The following EIF4G3 variants were observed in gnomAD, a reference collection of about 807,000 sequenced individuals.
EIF4G3 encodes the protein eIF-4-gamma 3.
EIF4G3 carries 34 observed loss-of-function variants against 186.4 expected under a neutral mutation model. The ratio of observed to expected loss-of-function variants is 0.18; its 90% CI spans 0.14 to 0.24. The LOEUF is 0.24. EIF4G3 is among the 10% of genes least tolerant of loss of function. The pLI is 1.00. For synonymous variants in EIF4G3, 673 were observed against 679.5 expected (o/e 0.99, Z 0.15); for missense variants, 1,536 against 1,948.5 (o/e 0.79, Z 3.99).
chr1:21,019,315 C>T (rs1008429150), intron 4 of EIF4G3, among the ~76,000 whole-genome samples: 8 of 152,214 alleles, frequency 5.3e-5, no homozygotes, highest in Admixed American at 5.2e-4. Context: ...CATATTTGCA[C>T]GTATATTTGT....
intron 6 of EIF4G3, among the ~76,000 whole-genome samples, chr1:20,998,248 C>T (rs946721617): frequency 2.3e-5 from 3 of 129,480 alleles, no homozygotes; most frequent in Non-Finnish European, 3.4e-5. Context: ...CACACACACA[C>T]AAGTTTAAGT....
At chr1:21,103,582 G>A (rs1213444925) in intron 2 of EIF4G3, among the ~76,000 whole-genome samples, 3 of 152,204 alleles carry the variant, frequency 2.0e-5, no homozygotes, top group Non-Finnish European at 4.4e-5. Context: ...ACTGGCTCAT[G>A]CCTATAATCC....
intron 7 of EIF4G3, among the ~76,000 whole-genome samples, chr1:20,984,218 G>A (rs2078919564): frequency 6.6e-6 from 1 of 151,958 alleles, no homozygotes; most frequent in South Asian, 2.1e-4. Context: ...CCAGGCTGGA[G>A]TGCAGTGGCT....
chr1:21,034,498 G>A lies in EIF4G3; in HGVS notation c.-67+16368C>T, dbSNP rs111626595. ...CATCACCCATTCAACAGCTGTATTT[G>A]TGATGCCATTCTATCAACCAAACTC... On this transcript the variant is annotated intron_variant, in intron 4 of 36. Coordinates refer to ENST00000602326, the MANE Select transcript of EIF4G3 (RefSeq NM_001391906.1). Among the ~76,000 whole-genome samples, 439 of 152,300 alleles carry A rather than the reference G, an allele frequency of 2.9e-3. 2 individuals are homozygous for A. The highest frequency in any genetic ancestry group is 1.0e-2 in the African/African-American group (415 of 41,560).
intron 3 of EIF4G3, among the ~76,000 whole-genome samples, chr1:21,075,639 A>G (rs2095568168): frequency 6.7e-6 from 1 of 149,212 alleles, no homozygotes; most frequent in African/African-American, 2.5e-5. Context: ...AGACAAAAAA[A>G]GTTACTCATC....
At chr1:20,862,203 T>G in intron 23 of EIF4G3, 25 bp downstream of exon 23, 1 of 1,354,668 alleles carries the variant, frequency 7.4e-7, no homozygotes, top group Non-Finnish European at 1.0e-6. Flanking sequence ...CCAGCAGGCT[T>G]ATTATTATTT....
At chr1:21,036,851 A>G (rs2093248303) in intron 4 of EIF4G3, among the ~76,000 whole-genome samples, 1 of 152,230 alleles carries the variant, frequency 6.6e-6, no homozygotes, top group Non-Finnish European at 1.5e-5. Context: ...ACTGCACTCC[A>G]ACCTAGAGAC....
chr1:20,929,938 T>C (rs1259175354), intron 14 of EIF4G3, among the ~76,000 whole-genome samples: 4 of 152,146 alleles, frequency 2.6e-5, no homozygotes, highest in African/African-American at 9.7e-5. Flanking sequence ...ATATTGTGGG[T>C]TTGTTTCCAG....
At chr1:20,872,111 CTGTGTG>C (rs1222730571) in intron 20 of EIF4G3, among the ~76,000 whole-genome samples, 2 of 151,242 alleles carry the variant, frequency 1.3e-5, no homozygotes, top group African/African-American at 4.9e-5. Flanking sequence ...AAAAAAAAAT[CTGTGTG>C]TGTGTGTGTA....
At chr1:21,155,326 A>T (rs1022796311) in intron 2 of EIF4G3, among the ~76,000 whole-genome samples, 1 of 151,762 alleles carries the variant, frequency 6.6e-6, no homozygotes, top group African/African-American at 2.4e-5. Flanking sequence ...ATAATGAGGC[A>T]AAGACAAGCT....
At chr1:21,105,810 C>A (rs1279622606) in intron 2 of EIF4G3, among the ~76,000 whole-genome samples, 2 of 152,096 alleles carry the variant, frequency 1.3e-5, no homozygotes, top group Non-Finnish European at 2.9e-5. Context: ...CTCCTATAAT[C>A]CCAGCACTTT....
At chr1:20,906,125 T>C (rs2092018105) in intron 14 of EIF4G3, among the ~76,000 whole-genome samples, 1 of 152,218 alleles carries the variant, frequency 6.6e-6, no homozygotes, top group Non-Finnish European at 1.5e-5. Context: ...TTCTTTTTTC[T>C]TCCCCTCAGG....
intron 14 of EIF4G3, chr1:20,929,416 T>A (rs1275824578): frequency 6.6e-6 from 1 of 152,170 alleles, no homozygotes; most frequent in Non-Finnish European, 1.5e-5. Context: ...AAACGGCCTA[T>A]CCTAAGGGAT....
At chr1:21,040,120 T>C (rs549957975) in intron 4 of EIF4G3, among the ~76,000 whole-genome samples, 27 of 152,216 alleles carry the variant, frequency 1.8e-4, no homozygotes, top group Non-Finnish European at 3.7e-4. Context: ...ACAGCTAGAG[T>C]TGATCATCAC....
At chr1:20,820,091 C>T (rs570095665) in intron 33 of EIF4G3, among the ~76,000 whole-genome samples, 7 of 152,032 alleles carry the variant, frequency 4.6e-5, no homozygotes, top group African/African-American at 9.6e-5. Context: ...ACCATAGCTG[C>T]GGACCCAAGC....
At position 20,849,095 on chromosome 1, in the gene EIF4G3, A is replaced by G. The variant is rs1041914727; in HGVS notation, c.3888+320T>C. 1.2e-4 allele frequency among the ~76,000 whole-genome samples: 18 copies of G among 150,528 alleles called. No individual in the cohort carries two copies. The East Asian group carries it at 3.1e-3, about 26-fold the overall frequency. On this transcript the variant is annotated intron_variant, in intron 29 of 36. Coordinates refer to ENST00000602326, the MANE Select transcript of EIF4G3 (RefSeq NM_001391906.1). Reference sequence around the variant, plus strand: ...AAAAAAGACCATGACAGCTATATACAGGGTGCCAGAAATGCTTCATAATGA... The same window carrying G: ...AAAAAAGACCATGACAGCTATATACGGGGTGCCAGAAATGCTTCATAATGA...
chr1:21,175,868 A>G (rs2098091479), intron 2 of EIF4G3: 2 of 163,504 alleles, frequency 1.2e-5, no homozygotes, highest in Non-Finnish European at 2.6e-5. Flanking sequence ...ATTCTGCCCA[A>G]TAAAGGGGGG....
At chr1:20,813,281 C>T (rs1426503814) in intron 34 of EIF4G3, 42 bp from the exon 35 acceptor site, 2 of 1,455,756 alleles carry the variant, frequency 1.4e-6, no homozygotes, top group Admixed American at 1.7e-5. Context: ...ATACCTTGCT[C>T]AGCCAGGCAC....
chr1:20,990,393 A>G (rs1486696491), intron 7 of EIF4G3, among the ~76,000 whole-genome samples: 1 of 151,868 alleles, frequency 6.6e-6, no homozygotes, highest in Admixed American at 6.6e-5. Context: ...TTTAATTACC[A>G]GCCGGGTGCG....
Sources: gnomAD v4.1 joint callset for allele counts (sites outside exome capture counted in the v4.1 genomes callset) on GRCh38, gnomAD v4.1.1 for gene constraint, MANE v1.5 for transcripts, NCBI Gene and HGNC (gene_info 2026-07-23, HGNC 2026-07-21) for gene names.